The following HSPBAP1 variants were observed in gnomAD, a reference collection of about 807,000 sequenced individuals.
The protein encoded by HSPBAP1 is HSPB1-associated protein 1.
HSPBAP1 carries 27 observed loss-of-function variants against 45.2 expected under a neutral mutation model. The observed-to-expected ratio is 0.60, with a 90% CI of 0.44 to 0.82. The LOEUF is 0.82. HSPBAP1 is among the 40% of genes least tolerant of loss of function. The pLI, the probability that HSPBAP1 is intolerant of heterozygous loss-of-function variation, is 0.00. For synonymous variants in HSPBAP1, 204 were observed against 202.7 expected (o/e 1.01, Z -0.06); for missense variants, 510 against 590.9 (o/e 0.86, Z 1.42).
intron 6 of HSPBAP1, among the ~76,000 whole-genome samples, chr3:122,751,152 G>A (rs1934120360): frequency 1.3e-5 from 2 of 152,066 alleles, no homozygotes; most frequent in African/African-American, 4.8e-5. Flanking sequence ...TACCAAATAA[G>A]GCCTACTGAT....
At chr3:122,753,297 A>T in intron 5 of HSPBAP1, 1 of 331,326 alleles carries the variant, frequency 3.0e-6, no homozygotes, top group Non-Finnish European at 4.3e-6. Flanking sequence ...GGGAGGTAGG[A>T]CTACAGAAGA....
chr3:122,759,720 G>C (rs1263159394), intron 3 of HSPBAP1, among the ~76,000 whole-genome samples: 1 of 152,226 alleles, frequency 6.6e-6, no homozygotes, highest in Non-Finnish European at 1.5e-5. Flanking sequence ...GGATTATGCT[G>C]ATATTTAGGG....
chr3:122,777,935 A>G, intron 1 of HSPBAP1, 29 bp from the exon 2 acceptor site: 2 of 1,500,452 alleles, frequency 1.3e-6, no homozygotes, highest in Non-Finnish European at 1.8e-6. Flanking sequence ...ACAGCAATAG[A>G]TAGAAAACTA....
chr3:122,778,916 C>G (rs1282192837), intron 1 of HSPBAP1, among the ~76,000 whole-genome samples: 2 of 152,192 alleles, frequency 1.3e-5, no homozygotes, highest in African/African-American at 2.4e-5. Flanking sequence ...AAGTTCACAT[C>G]CCTTCTGTGA....
At chr3:122,776,521 A>G (rs888701899) in intron 2 of HSPBAP1, among the ~76,000 whole-genome samples, 1 of 152,242 alleles carries the variant, frequency 6.6e-6, no homozygotes, top group East Asian at 1.9e-4. Context: ...CTTTAAATAA[A>G]TATTAGCTAT....
At position 122,778,182 on chromosome 3, in the gene HSPBAP1, A is replaced by G. The variant is rs942662816; in HGVS notation, c.65-276T>C. ...TTTCTATTGAACCTATCACCCAAATAGTGAGCACAGTACTCAACAGGTAGT... is the reference window on the plus strand; with the variant it reads ...TTTCTATTGAACCTATCACCCAAATGGTGAGCACAGTACTCAACAGGTAGT... On this transcript the variant is annotated intron_variant, in intron 1 of 7. Transcript: ENST00000306103. 5.4e-5 allele frequency among the ~76,000 whole-genome samples: 8 copies of G among 149,322 alleles called. No homozygotes were observed. The Admixed American group carries it at 5.4e-4, about 10-fold the overall frequency.
At chr3:122,780,754 C>T (rs1193723318) in intron 1 of HSPBAP1, among the ~76,000 whole-genome samples, 1 of 151,390 alleles carries the variant, frequency 6.6e-6, no homozygotes, top group Admixed American at 6.6e-5. Context: ...CCTCACTTCT[C>T]AGACGGGGCG....
chr3:122,745,381 T>C (rs909941766), intron 6 of HSPBAP1, among the ~76,000 whole-genome samples: 2 of 152,204 alleles, frequency 1.3e-5, no homozygotes, highest in African/African-American at 2.4e-5. Context: ...GAGAAGACCT[T>C]ACCCTAGCAG....
chr3:122,778,366 AATTG>A (rs754219799), intron 1 of HSPBAP1, among the ~76,000 whole-genome samples: 4 of 151,958 alleles, frequency 2.6e-5, no homozygotes, highest in African/African-American at 7.2e-5. Context: ...GAAAAGAACA[AATTG>A]ATTGGTTGCC....
intron 1 of HSPBAP1, 102 bp downstream of exon 1, chr3:122,793,515 A>C (rs1935901951): frequency 1.5e-5 from 14 of 916,856 alleles, no homozygotes; most frequent in Non-Finnish European, 2.5e-5. Flanking sequence ...AAGGCCAGAG[A>C]GACCTGGGTT....
chr3:122,748,536 A>G (rs1476016636), intron 6 of HSPBAP1, among the ~76,000 whole-genome samples: 1 of 152,240 alleles, frequency 6.6e-6, no homozygotes, highest in Non-Finnish European at 1.5e-5. Flanking sequence ...GGAAAGGGTC[A>G]TATGACCTTG....
At chr3:122,777,966 T>C in intron 1 of HSPBAP1, 60 bp from the exon 2 acceptor site, 2 of 1,138,142 alleles carry the variant, frequency 1.8e-6, no homozygotes, top group South Asian at 2.9e-5. Flanking sequence ...TCATACAATA[T>C]GGAGAAAAAA....
intron 2 of HSPBAP1, among the ~76,000 whole-genome samples, chr3:122,776,980 C>A (rs1056998613): frequency 2.0e-5 from 3 of 152,108 alleles, no homozygotes; most frequent in Non-Finnish European, 2.9e-5. Flanking sequence ...ACCAAACTTA[C>A]CCATATTGAA....
At chr3:122,792,919 C>CA (rs1174902274) in intron 1 of HSPBAP1, among the ~76,000 whole-genome samples, 1 of 151,658 alleles carries the variant, frequency 6.6e-6, no homozygotes, top group East Asian at 1.9e-4. Flanking sequence ...AGGCCGACCT[C>CA]AAACTATTCG....
At chr3:122,745,653 C>T (rs1453603189) in intron 6 of HSPBAP1, among the ~76,000 whole-genome samples, 2 of 152,276 alleles carry the variant, frequency 1.3e-5, no homozygotes, top group African/African-American at 2.4e-5. Flanking sequence ...ATTTGCAGTG[C>T]CTATATTCAA....
chr3:122,743,874 A>C (rs951641296), intron 6 of HSPBAP1, among the ~76,000 whole-genome samples: 1 of 152,116 alleles, frequency 6.6e-6, no homozygotes, highest in African/African-American at 2.4e-5. Flanking sequence ...TAGGCTGGGC[A>C]TGGTGGCTCA....
chr3:122,747,503 C>G (rs1383739973), intron 6 of HSPBAP1, among the ~76,000 whole-genome samples: 3 of 150,832 alleles, frequency 2.0e-5, no homozygotes, highest in African/African-American at 7.3e-5. Context: ...GTCAGCCCCC[C>G]TCCCGGCCAG....
At chr3:122,746,380 C>T (rs1933853739) in intron 6 of HSPBAP1, among the ~76,000 whole-genome samples, 1 of 149,742 alleles carries the variant, frequency 6.7e-6, no homozygotes, top group Admixed American at 6.7e-5. Flanking sequence ...CCAGAAAAAC[C>T]CTGCAAAACA....
rs768914524 is a variant in HSPBAP1 at position 122,793,676 on chromosome 3, GC to G, written c.4del (p.Ala2GlnfsTer10). ...AGGAGTGGTCGCCTCGGAGCCTGCT[GC>G]CATGGCTACCGCAAGGCGGGTTCTG... Reference protein sequence around the residue: MAAGSEATTPVI... With the variant: MXAGSEATTPVI... On this transcript the variant is annotated frameshift_variant, in exon 1 of 8. Transcript: ENST00000306103. LOFTEE classifies it high-confidence loss of function. 1 of 1,613,792 alleles carries G rather than the reference GC, an allele frequency of 6.2e-7. No individual in the cohort carries two copies. The highest frequency in any genetic ancestry group is 2.2e-5 in the East Asian group (1 of 44,868).
Sources: gnomAD v4.1 joint callset for allele counts (sites outside exome capture counted in the v4.1 genomes callset) on GRCh38, gnomAD v4.1.1 for gene constraint, MANE v1.5 for transcripts, NCBI Gene and HGNC (gene_info 2026-07-23, HGNC 2026-07-21) for gene names.